Variants in KSR2 observed in about 807,000 individuals in gnomAD.
The protein encoded by KSR2 is kinase suppressor of ras 2.
In KSR2, 25 loss-of-function variants were observed where a neutral mutation model predicts 107.8. That is an observed-to-expected ratio of 0.23 (90% CI 0.17 to 0.32). The LOEUF is 0.32. KSR2 is among the 10% of genes least tolerant of loss of function. The pLI is 1.00. For missense variants in KSR2, 887 were observed against 1,268.9 expected, an observed-to-expected ratio of 0.70 and a Z score of 4.57; for synonymous variants, 480 against 507.0, an observed-to-expected ratio of 0.95 and a Z score of 0.71.
intron 4 of KSR2, among the ~76,000 whole-genome samples, chr12:117,682,328 T>C (rs1405129094): frequency 1.3e-5 from 2 of 152,228 alleles, no homozygotes; most frequent in East Asian, 3.9e-4. Flanking sequence ...GCTTAATACC[T>C]AGGTGATGAG....
intron 5 of KSR2, among the ~76,000 whole-genome samples, chr12:117,598,676 T>C: frequency 6.6e-6 from 1 of 152,158 alleles, no homozygotes; most frequent in Admixed American, 6.5e-5. Context: ...AGTAAGGTGG[T>C]ATTGCATTGT....
intron 5 of KSR2, among the ~76,000 whole-genome samples, chr12:117,592,390 A>G (rs1880380314): frequency 6.6e-6 from 1 of 152,142 alleles, no homozygotes; most frequent in South Asian, 2.1e-4. Context: ...CTGGGATCAC[A>G]GGCATGAGCG....
intron 3 of KSR2, among the ~76,000 whole-genome samples, chr12:117,793,979 TGC>T (rs1295287093): frequency 1.2e-5 from 1 of 85,920 alleles, no homozygotes; most frequent in Admixed American, 1.5e-4. Context: ...ACACACACCA[TGC>T]ACACATACAC....
At chr12:117,521,653 A>G (rs1874767073) in intron 14 of KSR2, among the ~76,000 whole-genome samples, 1 of 152,358 alleles carries the variant, frequency 6.6e-6, no homozygotes, top group East Asian at 1.9e-4. Flanking sequence ...GTTAACTTCG[A>G]TGATAATTAC....
intron 4 of KSR2, among the ~76,000 whole-genome samples, chr12:117,673,345 G>A (rs1310599908): frequency 5.3e-5 from 8 of 151,950 alleles, no homozygotes; most frequent in Non-Finnish European, 5.9e-5. Context: ...GGATGGGGGA[G>A]GAAGATGAAA....
chr12:117,787,604 G>A (rs1368796376), intron 3 of KSR2, among the ~76,000 whole-genome samples: 1 of 152,112 alleles, frequency 6.6e-6, no homozygotes. Context: ...CTGCACTCCA[G>A]CCTTGGCAAC....
intron 4 of KSR2, among the ~76,000 whole-genome samples, chr12:117,733,221 C>G (rs961055968): frequency 1.4e-4 from 22 of 152,130 alleles, no homozygotes; most frequent in Admixed American, 4.6e-4. Context: ...AACTCCAAAA[C>G]AGCCCTTCCT....
At chr12:117,721,340 T>A (rs1330917671) in intron 4 of KSR2, among the ~76,000 whole-genome samples, 1 of 152,178 alleles carries the variant, frequency 6.6e-6, no homozygotes, top group African/African-American at 2.4e-5. Flanking sequence ...TATCTATGAA[T>A]GTAGGTGAGA....
intron 5 of KSR2, among the ~76,000 whole-genome samples, chr12:117,656,435 C>T (rs1047705962): frequency 6.6e-5 from 10 of 152,062 alleles, no homozygotes; most frequent in African/African-American, 2.4e-4. Context: ...CATGGAGAAA[C>T]CCCACTAAAC....
chr12:117,511,468 G>A (rs1156454868), intron 14 of KSR2, among the ~76,000 whole-genome samples: 2 of 152,180 alleles, frequency 1.3e-5, no homozygotes, highest in Non-Finnish European at 2.9e-5. Flanking sequence ...GTACAGCCTG[G>A]CAGGGTTAGG....
intron 4 of KSR2, among the ~76,000 whole-genome samples, chr12:117,687,162 G>A (rs768825216): frequency 6.6e-6 from 1 of 152,176 alleles, no homozygotes; most frequent in Non-Finnish European, 1.5e-5. Flanking sequence ...GAATCTGTGT[G>A]GTTTCAGGTC....
At chr12:117,648,886 C>T (rs1883769362) in intron 5 of KSR2, among the ~76,000 whole-genome samples, 2 of 152,192 alleles carry the variant, frequency 1.3e-5, no homozygotes, top group South Asian at 4.1e-4. Flanking sequence ...TACACTCAAC[C>T]AATCAGAACA....
chr12:117,487,381 C>G (rs573593715), intron 14 of KSR2, among the ~76,000 whole-genome samples: 90 of 152,332 alleles, frequency 5.9e-4, no homozygotes, highest in African/African-American at 2.1e-3. Flanking sequence ...AGCTGACTCA[C>G]AGAAAGTCTG....
chr12:117,889,911 A>G (rs987482618), intron 1 of KSR2, among the ~76,000 whole-genome samples: 2 of 152,184 alleles, frequency 1.3e-5, no homozygotes, highest in African/African-American at 4.8e-5. Flanking sequence ...TTCACCCCCG[A>G]ATATCAGTAG....
intron 14 of KSR2, among the ~76,000 whole-genome samples, chr12:117,498,421 C>A (rs1873173821): frequency 6.6e-6 from 1 of 152,138 alleles, no homozygotes; most frequent in African/African-American, 2.4e-5. Flanking sequence ...GTGGCTAGAG[C>A]TAGAAGGTCT....
In KSR2 at chr12:117,842,044, G is replaced by C. The variant is rs75278813; in HGVS notation, c.472+13384C>G. On this transcript the variant is annotated intron_variant, in intron 3 of 19. Transcript: ENST00000339824. The surrounding 1 kb of genome is among the most constrained non-coding windows in gnomAD (Gnocchi z 4.2). ...ATTCCAACACAGGGGTTCTCAAAGC[G>C]TGTTCCCCAAACCAGCAGCACCAGC... Among the ~76,000 whole-genome samples, 6,023 of 152,270 alleles carry C rather than the reference G, an allele frequency of 0.04. 159 individuals carry two copies. Among genetic ancestry groups the C allele is most frequent in the Non-Finnish European group, 0.062 (4,214 of 68,014 alleles).
chr12:117,931,647 T>C (rs1338013294), intron 1 of KSR2, among the ~76,000 whole-genome samples: 1 of 152,234 alleles, frequency 6.6e-6, no homozygotes, highest in Non-Finnish European at 1.5e-5. Context: ...TGCATCTTGC[T>C]ATTCTGCTTT....
intron 1 of KSR2, among the ~76,000 whole-genome samples, chr12:117,894,748 C>G (rs946946321): frequency 8.3e-6 from 1 of 120,606 alleles, no homozygotes; most frequent in African/African-American, 3.2e-5. Context: ...TCCCCCTCCC[C>G]CTCTCCCTCT....
intron 3 of KSR2, among the ~76,000 whole-genome samples, chr12:117,843,155 A>G (rs888337627): frequency 2.0e-5 from 3 of 152,200 alleles, no homozygotes; most frequent in Non-Finnish European, 4.4e-5. Context: ...TGATACAACT[A>G]GCATCCCCAT....
Sources: gnomAD v4.1 joint callset for allele counts (sites outside exome capture counted in the v4.1 genomes callset) on GRCh38, gnomAD v4.1.1 for gene constraint, Gnocchi (gnomAD v3.1) non-coding constraint, MANE v1.5 for transcripts, NCBI Gene and HGNC (gene_info 2026-07-23, HGNC 2026-07-21) for gene names.